The following ANKRD30B variants were observed in gnomAD, a reference collection of about 807,000 sequenced individuals.
ANKRD30B encodes ankyrin repeat domain-containing protein 30B.
A neutral mutation model predicts 202.2 loss-of-function variants in ANKRD30B; 144 were observed. That is an observed-to-expected ratio of 0.71 (90% confidence interval 0.62 to 0.82). The LOEUF (loss-of-function observed/expected upper bound fraction) is 0.82. Among genes scored for constraint, ANKRD30B ranks in the 40% least tolerant of loss-of-function variants. The pLI, the probability that ANKRD30B is intolerant of heterozygous loss-of-function variation, is 0.00. For synonymous variants in ANKRD30B, 508 were observed against 561.3 expected (o/e 0.91, Z 1.34); for missense variants, 1,487 against 1,669.1 (o/e 0.89, Z 1.90).
intron 5 of ANKRD30B, among the ~76,000 whole-genome samples, chr18:14,758,513 A>G (rs1307899838): frequency 6.6e-6 from 1 of 152,174 alleles, no homozygotes; most frequent in Non-Finnish European, 1.5e-5. Flanking sequence ...CTCAGTTTTC[A>G]TGGTGATCCA....
intron 18 of ANKRD30B, among the ~76,000 whole-genome samples, chr18:14,797,358 C>T (rs1968977529): frequency 6.6e-6 from 1 of 152,170 alleles, no homozygotes; most frequent in Non-Finnish European, 1.5e-5. Context: ...GGGGGAAGCA[C>T]ATCACGTGCT....
the ANKRD30B span, among the ~76,000 whole-genome samples, chr18:14,917,730 G>A: frequency 6.6e-6 from 1 of 152,216 alleles, no homozygotes; most frequent in Non-Finnish European, 1.5e-5. Context: ...ACCTGGCACA[G>A]CATGAGTGTG....
At chr18:14,771,726 C>A (rs528541978) in intron 8 of ANKRD30B, among the ~76,000 whole-genome samples, 21 of 152,218 alleles carry the variant, frequency 1.4e-4, no homozygotes, top group Admixed American at 6.5e-4. Context: ...GGATAAGGGA[C>A]AAGGTAACTG....
At chr18:14,844,425 A>C (rs1473744127) in intron 39 of ANKRD30B, among the ~76,000 whole-genome samples, 2 of 152,220 alleles carry the variant, frequency 1.3e-5, no homozygotes, top group Non-Finnish European at 2.9e-5. Context: ...TATAGACTTC[A>C]TAGTACATAT....
intron 39 of ANKRD30B, among the ~76,000 whole-genome samples, chr18:14,847,230 G>C (rs9748509): frequency 2.0e-5 from 3 of 151,414 alleles, no homozygotes; most frequent in Non-Finnish European, 4.4e-5. Context: ...AGGATTTATA[G>C]TGTATGGATT....
At chr18:14,924,782 A>G in the ANKRD30B span, among the ~76,000 whole-genome samples, 1 of 152,226 alleles carries the variant, frequency 6.6e-6, no homozygotes, top group Non-Finnish European at 1.5e-5. Flanking sequence ...GATCGGGGGA[A>G]GATTCCTGGT....
At chr18:14,753,747 TTAGA>T (rs1234847099) in intron 3 of ANKRD30B, among the ~76,000 whole-genome samples, 1 of 152,132 alleles carries the variant, frequency 6.6e-6, no homozygotes, top group Non-Finnish European at 1.5e-5. Flanking sequence ...TTAAGCCTTT[TTAGA>T]TTAATTTTGG....
chr18:14,929,665 G>A, the ANKRD30B span, among the ~76,000 whole-genome samples: 3 of 152,110 alleles, frequency 2.0e-5, no homozygotes, highest in African/African-American at 4.8e-5. Context: ...AGGACTTGGA[G>A]TGTACCTGTT....
the ANKRD30B span, among the ~76,000 whole-genome samples, chr18:14,912,353 T>C: frequency 6.6e-6 from 1 of 152,214 alleles, no homozygotes; most frequent in East Asian, 1.9e-4. Flanking sequence ...TATTGAAGTA[T>C]TTTTGTGTCT....
At chr18:14,788,922 A>G (rs1344262972) in intron 15 of ANKRD30B, among the ~76,000 whole-genome samples, 2 of 152,180 alleles carry the variant, frequency 1.3e-5, no homozygotes. Flanking sequence ...TAATGGGATG[A>G]CTGGGTCAAA....
At chr18:14,785,417 A>G (rs994650109) in intron 14 of ANKRD30B, among the ~76,000 whole-genome samples, 1 of 152,274 alleles carries the variant, frequency 6.6e-6, no homozygotes. Flanking sequence ...ATTGTATGAC[A>G]GTAGCATAGT....
intron 1 of ANKRD30B, among the ~76,000 whole-genome samples, chr18:14,751,379 C>G (rs928423055): frequency 2.0e-5 from 3 of 152,036 alleles, no homozygotes; most frequent in African/African-American, 7.2e-5. Flanking sequence ...TATTAACTCT[C>G]AAGACCTTTT....
intron 28 of ANKRD30B, among the ~76,000 whole-genome samples, chr18:14,811,582 T>G (rs970348458): frequency 2.2e-5 from 3 of 135,358 alleles, no homozygotes; most frequent in Non-Finnish European, 4.7e-5. Context: ...TTTAAAAGTA[T>G]TCTTATGCAT....
At chr18:14,823,684 T>G (rs568784016) in intron 32 of ANKRD30B, among the ~76,000 whole-genome samples, 1 of 152,230 alleles carries the variant, frequency 6.6e-6, no homozygotes, top group African/African-American at 2.4e-5. Flanking sequence ...TTAAAATATG[T>G]TACAACAGGC....
chr18:14,752,826 T>C lies in ANKRD30B; in HGVS notation c.337-13T>C. 6 of 1,603,530 alleles carry C rather than the reference T, an allele frequency of 3.7e-6. No individual in the cohort carries two copies. The highest frequency in any genetic ancestry group is 5.1e-6 in the Non-Finnish European group (6 of 1,174,474). The stretch of plus-strand genomic sequence containing the variant: ...TATAATTTATAATGTACTTCTTGCT[T>C]TAATACTGACAGGCTCTACAATGCG... On this transcript the variant is annotated splice_polypyrimidine_tract_variant and intron_variant, in intron 2 of 43. Transcript: ENST00000690538.
At chr18:14,921,869 AG>A in the ANKRD30B span, among the ~76,000 whole-genome samples, 3 of 146,150 alleles carry the variant, frequency 2.1e-5, no homozygotes, top group Non-Finnish European at 3.0e-5. Context: ...ATTGTGGATA[AG>A]GGAAAAAGGG....
chr18:14,779,395 G>A (rs1171312430), intron 10 of ANKRD30B, among the ~76,000 whole-genome samples: 2 of 152,176 alleles, frequency 1.3e-5, no homozygotes, highest in Non-Finnish European at 2.9e-5. Context: ...TAATTTATAT[G>A]CAGTACAAGT....
chr18:14,786,744 C>T (rs1023716915), intron 14 of ANKRD30B, among the ~76,000 whole-genome samples: 8 of 152,092 alleles, frequency 5.3e-5, no homozygotes, highest in South Asian at 2.1e-4. Context: ...AAATATAGGA[C>T]ATACTGTGTT....
rs554224103 is a variant in ANKRD30B, at chr18:14,844,742, C to T, written c.3181+1646C>T. On this transcript the variant is annotated intron_variant, in intron 39 of 43. Transcript: ENST00000690538. ...CTATTTCTCCACAGCCTCTCCAGCA[C>T]CTGTTGTTTCCTGACTTTTTAATGA... 2.6e-5 allele frequency among the ~76,000 whole-genome samples: 4 copies of T among 152,256 alleles called. No individual in the cohort carries two copies. The East Asian group carries it at 7.8e-4, about 30-fold the overall frequency.
Sources: gnomAD v4.1 joint callset for allele counts (sites outside exome capture counted in the v4.1 genomes callset) on GRCh38, gnomAD v4.1.1 for gene constraint, MANE v1.5 for transcripts, NCBI Gene and HGNC (gene_info 2026-07-23, HGNC 2026-07-21) for gene names.